The following FRMPD4 variants were observed in gnomAD, a reference collection of about 807,000 sequenced individuals.
FRMPD4 encodes the protein FERM and PDZ domain containing 4.
FRMPD4 carries 22 observed loss-of-function variants against 94.1 expected under a neutral mutation model. That is an observed-to-expected ratio of 0.23 (90% CI 0.17 to 0.33). FRMPD4 has a LOEUF of 0.33. FRMPD4 is among the 10% of genes least tolerant of loss of function. The pLI is 1.00. For missense variants in FRMPD4, 1,111 were observed against 1,339.9 expected (o/e 0.83, Z 2.67); for synonymous variants, 631 against 548.6 (o/e 1.15, Z -2.10).
intron 1 of FRMPD4, among the ~76,000 whole-genome samples, chrX:12,313,895 G>T (rs971689625): frequency 8.9e-6 from 1 of 111,741 alleles, no homozygotes; most frequent in Admixed American, 9.5e-5. Context: ...CAGTCTTCAA[G>T]AGTTAAAATG....
At chrX:12,389,353 C>T (rs1601888298) in intron 1 of FRMPD4, among the ~76,000 whole-genome samples, 1 of 108,783 alleles carries the variant, frequency 9.2e-6, no homozygotes, top group South Asian at 4.1e-4. Flanking sequence ...TGCATACCTG[C>T]GATCACAGCT....
At position 12,609,756 on chromosome X, in the gene FRMPD4, G is replaced by A. The variant is rs1223671235; in HGVS notation, c.194G>A (p.Arg65Gln). The A allele has an allele frequency of 2.5e-6, 3 of 1,208,066 alleles. No individual in the cohort carries two copies. Among genetic ancestry groups the A allele is most frequent in the African/African-American group, 3.5e-5 (2 of 57,737 alleles). Residue 65 changes from arginine (R) to glutamine (Q), a missense_variant, in exon 3 of 17, where the codon CGG becomes CAG. By Grantham distance (43) the Arg-to-Gln change is conservative. This residue lies in a region of FRMPD4 where 140 missense variants were observed against 165.9 expected (regional missense o/e 0.84). Coordinates refer to ENST00000675598, the MANE Select transcript of FRMPD4 (RefSeq NM_001368397.1). ...MTQAIPFDDP[R>Q]LESCQIIPPA... is the part of the protein sequence containing the mutation. ...CAGGCAATCCCTTTTGACGACCCTC[G>A]GTTAGAGAGCTGCCAAATCATCCCT...
At chrX:12,088,513 C>A (rs1322948174) in intron 3 of FRMPD4, among the ~76,000 whole-genome samples, 1 of 111,823 alleles carries the variant, frequency 8.9e-6, no homozygotes, top group Non-Finnish European at 1.9e-5. Flanking sequence ...TATTTTCTTG[C>A]CTGTAAAATG....
At chrX:12,165,934 C>A (rs1346371721) in intron 1 of FRMPD4, among the ~76,000 whole-genome samples, 1 of 111,530 alleles carries the variant, frequency 9.0e-6, no homozygotes, top group Non-Finnish European at 1.9e-5. Flanking sequence ...TGCTTATCAG[C>A]TTAAGGAGAT....
chrX:12,718,450 T>C lies in FRMPD4; in HGVS notation c.3624T>C (p.Phe1208=). ...CATCACTGCAAAGCGAGGGCCATTT[T>C]TCTCTGCAGAGCTCCCAAGGCTCTT... is the stretch of plus-strand genomic sequence containing the variant. The part of the protein sequence containing the change: ...RMSSLQSEGH[F]SLQSSQGSSV... The change falls in exon 16 of 17, where the codon TTT becomes TTC. Residue 1208 remains phenylalanine, a synonymous_variant. Transcript: ENST00000675598. 1 of 1,209,444 alleles carries C rather than the reference T, an allele frequency of 8.3e-7. No individual in the cohort carries two copies. The highest frequency in any genetic ancestry group is 1.1e-6 in the Non-Finnish European group (1 of 893,216).
chrX:12,699,303 A>T (rs1263645803), intron 9 of FRMPD4, among the ~76,000 whole-genome samples: 1 of 112,093 alleles, frequency 8.9e-6, no homozygotes, highest in Non-Finnish European at 1.9e-5. Flanking sequence ...AGACCACCCT[A>T]TCTCCTGTCT....
At chrX:11,833,442 C>G (rs1383461431) in intron 1 of FRMPD4, among the ~76,000 whole-genome samples, 1 of 111,901 alleles carries the variant, frequency 8.9e-6, no homozygotes, top group Non-Finnish European at 1.9e-5. Context: ...AGTGGCTGAA[C>G]CATTTTTCAT....
Position 12,718,547 on chromosome X carries a change from C to T in FRMPD4, c.3721C>T (p.Pro1241Ser), listed in dbSNP as rs142893483. 15 of 1,203,121 alleles carry T rather than the reference C, an allele frequency of 1.2e-5. No individual in the cohort carries two copies. The highest frequency in any genetic ancestry group is 1.6e-5 in the Non-Finnish European group (14 of 887,405). The change falls in exon 16 of 17, where the codon CCC becomes TCC. Residue 1241 changes from proline (P) to serine (S), a missense_variant. Coordinates refer to ENST00000675598, the MANE Select transcript of FRMPD4 (RefSeq NM_001368397.1). ...CATPVESPLC[P>S]SLGKHLIPDA... is the part of the protein sequence containing the mutation. ...CACACCCGTGGAGTCGCCGCTCTGC[C>T]CCTCCCTGGGGAAGCACTTGATTCC... is the stretch of plus-strand genomic sequence containing the variant.
chrX:12,611,909 T>C (rs2059188230), intron 3 of FRMPD4, among the ~76,000 whole-genome samples: 1 of 108,578 alleles, frequency 9.2e-6, no homozygotes, highest in South Asian at 3.9e-4. Context: ...ATGTAGATAG[T>C]ATAGAGGAGA....
At chrX:12,631,795 A>G (rs749139252) in intron 4 of FRMPD4, among the ~76,000 whole-genome samples, 2 of 112,071 alleles carry the variant, frequency 1.8e-5, no homozygotes, top group South Asian at 3.8e-4. Flanking sequence ...CATCTGCCTC[A>G]CTTTTACTAA....
intron 1 of FRMPD4, among the ~76,000 whole-genome samples, chrX:12,451,385 A>T (rs1185734508): frequency 9.0e-6 from 1 of 111,663 alleles, no homozygotes; most frequent in African/African-American, 3.2e-5. Context: ...TTGGTCTTTC[A>T]TGGGTTTTCT....
chrX:12,200,997 CACTT>C (rs1317041040), intron 1 of FRMPD4, among the ~76,000 whole-genome samples: 1 of 111,593 alleles, frequency 9.0e-6, no homozygotes, highest in Non-Finnish European at 1.9e-5. Context: ...AGTTATCTAA[CACTT>C]ACAGAGTTGC....
rs1184252320 is a variant in FRMPD4, at chrX:12,332,205, TATAG to T, written c.42-166473_42-166470del. Among the ~76,000 whole-genome samples the T allele has an allele frequency of 7.6e-3, 500 of 65,964 alleles. 15 individuals carry two copies. Among genetic ancestry groups the T allele is most frequent in the Non-Finnish European group, 0.01 (398 of 39,780 alleles). The allele number at this position is 65,964 out of a possible 115,157, so 57.3% of individuals were successfully genotyped here. ...AATTTATATTTTATATATATATATA[TATAG>T]AGAGAGAGAGAGAGAGAGAGAGAGA... On this transcript the variant is annotated intron_variant, in intron 1 of 16. Transcript: ENST00000675598.
At chrX:12,518,825 GCACACACACA>G (rs757932325) in intron 2 of FRMPD4, among the ~76,000 whole-genome samples, 1 of 107,750 alleles carries the variant, frequency 9.3e-6, no homozygotes, top group Admixed American at 9.9e-5. Context: ...GTGCGCGCGT[GCACACACACA>G]CACACACACA....
intron 1 of FRMPD4, among the ~76,000 whole-genome samples, chrX:12,407,109 G>A (rs776713781): frequency 9.0e-6 from 1 of 110,993 alleles, no homozygotes; most frequent in Non-Finnish European, 1.9e-5. Context: ...GACTTATCAG[G>A]ATCTGGTGAT....
At chrX:12,325,067 G>C (rs1315630354) in intron 1 of FRMPD4, among the ~76,000 whole-genome samples, 2 of 112,340 alleles carry the variant, frequency 1.8e-5, no homozygotes, top group East Asian at 5.5e-4. Flanking sequence ...AAAGAGGAAA[G>C]TATTTTAAAT....
intron 3 of FRMPD4, among the ~76,000 whole-genome samples, chrX:12,129,074 C>T (rs1276184496): frequency 4.5e-5 from 5 of 111,851 alleles, no homozygotes; most frequent in Non-Finnish European, 9.4e-5. Flanking sequence ...CCAAACTGTT[C>T]CAACCTCTGC....
At chrX:12,183,450 C>G (rs759402519) in intron 1 of FRMPD4, among the ~76,000 whole-genome samples, 10 of 111,740 alleles carry the variant, frequency 8.9e-5, no homozygotes, top group Non-Finnish European at 1.7e-4. Flanking sequence ...CTTTTTGCCT[C>G]CTTTTTCCTA....
chrX:12,335,946 C>T (rs886618036), intron 1 of FRMPD4, among the ~76,000 whole-genome samples: 2 of 112,431 alleles, frequency 1.8e-5, no homozygotes, highest in Non-Finnish European at 3.8e-5. Flanking sequence ...ATTGACTGCA[C>T]CTTTTCAAAG....
Sources: gnomAD v4.1 joint callset for allele counts (sites outside exome capture counted in the v4.1 genomes callset) on GRCh38, gnomAD v4.1.1 for gene constraint, gnomAD v4.1.1 regional missense constraint, MANE v1.5 for transcripts, NCBI Gene and HGNC (gene_info 2026-07-23, HGNC 2026-07-21) for gene names.